The following DENND1A variants were observed in gnomAD, a reference collection of about 807,000 sequenced individuals.
DENND1A encodes the protein DENN domain containing 1A.
DENND1A carries 51 observed loss-of-function variants against 113.7 expected under a neutral mutation model. That is an observed-to-expected ratio of 0.45 (90% CI 0.36 to 0.57). The LOEUF is 0.57. Among genes scored for constraint, DENND1A ranks in the 20% least tolerant of loss-of-function variants. The pLI is 0.00. For synonymous variants in DENND1A, 565 were observed against 570.8 expected (o/e 0.99, Z 0.14); for missense variants, 1,258 against 1,395.9 (o/e 0.90, Z 1.57).
Position 123,734,532 on chromosome 9 carries a change from C to T in DENND1A, c.302+23171G>A, listed in dbSNP as rs141769134. Among the ~76,000 whole-genome samples the T allele has an allele frequency of 5.7e-4, 86 of 152,152 alleles. No individual in the cohort carries two copies. The Middle Eastern group carries it at 0.01, about 18-fold the overall frequency. Reference sequence around the variant, plus strand: ...CAATACACGTTTCCTTAGCCTAAGTCAAATAAGGCACCAAGTTTGGGATGG... The same window carrying T: ...CAATACACGTTTCCTTAGCCTAAGTTAAATAAGGCACCAAGTTTGGGATGG... On this transcript the variant is annotated intron_variant, in intron 5 of 23. Coordinates refer to ENST00000394215, the MANE Select transcript of DENND1A (RefSeq NM_001352964.2).
intron 16 of DENND1A, among the ~76,000 whole-genome samples, chr9:123,453,243 C>T (rs780971798): frequency 9.2e-5 from 14 of 152,116 alleles, no homozygotes; most frequent in South Asian, 2.1e-4. Flanking sequence ...CGTGTGATGA[C>T]GGCTGTAATG....
chr9:123,699,931 C>T (rs1339459027), intron 5 of DENND1A, among the ~76,000 whole-genome samples: 2 of 152,186 alleles, frequency 1.3e-5, no homozygotes, highest in African/African-American at 2.4e-5. Context: ...CTCCCAACCT[C>T]AGGTGATCCA....
At chr9:123,896,366 GA>G (rs1404623841) in intron 1 of DENND1A, among the ~76,000 whole-genome samples, 3 of 150,572 alleles carry the variant, frequency 2.0e-5, no homozygotes, top group Admixed American at 2.0e-4. Flanking sequence ...AATTTAAACC[GA>G]AGTGGTCCCA....
intron 7 of DENND1A, among the ~76,000 whole-genome samples, chr9:123,667,586 C>T (rs566148930): frequency 6.6e-6 from 1 of 152,274 alleles, no homozygotes; most frequent in Admixed American, 6.5e-5. Context: ...CACTGCACTC[C>T]AGCCTGGGCG....
intron 13 of DENND1A, among the ~76,000 whole-genome samples, chr9:123,505,085 G>A (rs1312928330): frequency 6.6e-6 from 1 of 152,136 alleles, no homozygotes; most frequent in Non-Finnish European, 1.5e-5. Context: ...TAACTCTGAA[G>A]GAACTCCGTG....
At chr9:123,621,239 G>A (rs565074198) in intron 10 of DENND1A, among the ~76,000 whole-genome samples, 4 of 149,438 alleles carry the variant, frequency 2.7e-5, no homozygotes, top group Non-Finnish European at 5.9e-5. Flanking sequence ...AGGCTGGAGT[G>A]CAGTGGCACG....
In DENND1A at chr9:123,660,228, T is replaced by G. The variant is rs552004418; in HGVS notation, c.507+6798A>C. Reference sequence around the variant, plus strand: ...AGCTCTAAGGATTAAAGTGGAAGCATGTACGGTAGGAGTCTGGCAGATTGG... The same window carrying G: ...AGCTCTAAGGATTAAAGTGGAAGCAGGTACGGTAGGAGTCTGGCAGATTGG... On this transcript the variant is annotated intron_variant, in intron 8 of 23. Coordinates refer to ENST00000394215, the MANE Select transcript of DENND1A (RefSeq NM_001352964.2). Among the ~76,000 whole-genome samples the G allele has an allele frequency of 6.3e-4, 96 of 152,256 alleles. No individual in the cohort carries two copies. The South Asian group carries it at 0.019, about 31-fold the overall frequency.
At chr9:123,650,941 A>C (rs976724130) in intron 9 of DENND1A, among the ~76,000 whole-genome samples, 10 of 150,660 alleles carry the variant, frequency 6.6e-5, no homozygotes, top group African/African-American at 2.4e-4. Flanking sequence ...AGATGGATTA[A>C]TGGATGCTAT....
chr9:123,711,423 G>A (rs1195699657), intron 5 of DENND1A, among the ~76,000 whole-genome samples: 6 of 149,806 alleles, frequency 4.0e-5, no homozygotes, highest in East Asian at 2.0e-4. Flanking sequence ...CCAAGATCAC[G>A]CCACTGCACT....
In DENND1A at chr9:123,415,221, C is replaced by T. The variant is rs755950088; in HGVS notation, c.1489-3392G>A. Among the ~76,000 whole-genome samples, 23 of 152,286 alleles carry T rather than the reference C, an allele frequency of 1.5e-4. No individual in the cohort carries two copies. In the South Asian group the frequency reaches 1.9e-3, roughly 12 times the overall value. Reference sequence around the variant, plus strand: ...CAACCAAGAACAGGAAGCCACATTGCCCCTTCTGACACTCGGGGAGTTTTC... The same window carrying T: ...CAACCAAGAACAGGAAGCCACATTGTCCCTTCTGACACTCGGGGAGTTTTC... On this transcript the variant is annotated intron_variant, in intron 19 of 23. Transcript: ENST00000394215.
intron 2 of DENND1A, among the ~76,000 whole-genome samples, chr9:123,812,905 T>C (rs1397540532): frequency 1.3e-5 from 2 of 152,200 alleles, no homozygotes; most frequent in Non-Finnish European, 2.9e-5. Flanking sequence ...TTTCAGATTT[T>C]AGTGTACTCA....
chr9:123,816,028 T>C (rs1837430061), intron 2 of DENND1A, among the ~76,000 whole-genome samples: 1 of 142,520 alleles, frequency 7.0e-6, no homozygotes, highest in Non-Finnish European at 1.5e-5. Context: ...TGAGACAGTG[T>C]CTCACTGTGT....
At position 123,485,803 on chromosome 9, in the gene DENND1A, G is replaced by C. The variant is rs755927677; in HGVS notation, c.994-27906C>G. On this transcript the variant is annotated intron_variant, in intron 13 of 23. Coordinates refer to ENST00000394215, the MANE Select transcript of DENND1A (RefSeq NM_001352964.2). Reference sequence around the variant, plus strand: ...TGTGCTGGTTTTACAAAGTTTCCTGGATATAAGGAATGGATCAAAGACTCT... The same window carrying C: ...TGTGCTGGTTTTACAAAGTTTCCTGCATATAAGGAATGGATCAAAGACTCT... Among the ~76,000 whole-genome samples the C allele has an allele frequency of 4.9e-4, 75 of 152,186 alleles. 1 individual carries two copies. The highest frequency in any genetic ancestry group is 6.0e-4 in the Non-Finnish European group (41 of 68,034).
intron 13 of DENND1A, among the ~76,000 whole-genome samples, chr9:123,485,283 G>A (rs1470419711): frequency 6.6e-6 from 1 of 152,244 alleles, no homozygotes; most frequent in Admixed American, 6.5e-5. Context: ...ATCACTAGGT[G>A]TGAGTCACAA....
chr9:123,495,472 C>G (rs985675559), intron 13 of DENND1A, among the ~76,000 whole-genome samples: 2 of 152,188 alleles, frequency 1.3e-5, no homozygotes, highest in African/African-American at 2.4e-5. Flanking sequence ...ATTTAAAAAA[C>G]CACGGGTGTT....
intron 5 of DENND1A, among the ~76,000 whole-genome samples, chr9:123,734,627 T>C (rs1297963650): frequency 1.3e-5 from 2 of 152,136 alleles, no homozygotes; most frequent in East Asian, 1.9e-4. Flanking sequence ...ATACTGACAA[T>C]ATCAGCTAAT....
intron 13 of DENND1A, among the ~76,000 whole-genome samples, chr9:123,507,639 A>G (rs1216955275): frequency 6.6e-6 from 1 of 151,780 alleles, no homozygotes; most frequent in Non-Finnish European, 1.5e-5. Context: ...GCTTAAACCC[A>G]GGAGTTTGAG....
intron 5 of DENND1A, among the ~76,000 whole-genome samples, chr9:123,702,965 T>C (rs1188330408): frequency 1.3e-5 from 2 of 152,216 alleles, no homozygotes; most frequent in Non-Finnish European, 2.9e-5. Flanking sequence ...GACAAAACTA[T>C]TTTAAAAATA....
chr9:123,925,891 C>T (rs997892706), intron 1 of DENND1A, among the ~76,000 whole-genome samples: 5 of 152,154 alleles, frequency 3.3e-5, no homozygotes, highest in Non-Finnish European at 5.9e-5. Flanking sequence ...ATAAATGTCA[C>T]GTTTCTTCAA....
Sources: gnomAD v4.1 joint callset for allele counts (sites outside exome capture counted in the v4.1 genomes callset) on GRCh38, gnomAD v4.1.1 for gene constraint, MANE v1.5 for transcripts, NCBI Gene and HGNC (gene_info 2026-07-23, HGNC 2026-07-21) for gene names.